Variants in CPPED1 observed in about 807,000 individuals in gnomAD.
CPPED1 encodes the protein calcineurin like phosphoesterase domain containing 1, also known as serine/threonine-protein phosphatase CPPED1.
CPPED1 carries 28 observed loss-of-function variants against 28.0 expected under a neutral mutation model. The observed-to-expected ratio is 1.00, with a 90% CI of 0.74 to 1.37. The LOEUF is 1.37. CPPED1 is among the 40% of genes most tolerant of loss of function. The pLI, the probability that CPPED1 is intolerant of heterozygous loss-of-function variation, is 0.00. For synonymous variants in CPPED1, 198 were observed against 180.2 expected (o/e 1.10, Z -0.79); for missense variants, 504 against 416.5 (o/e 1.21, Z -1.83).
rs1366405376 is a variant in CPPED1, at chr16:12,764,570, C to T, written c.289+16615G>A. ...GCCCAGGCTGGTCTCAAACTCCTGA[C>T]CTAAGTGATCCTTCTGCCTCAGCCT... On this transcript the variant is annotated intron_variant, in intron 2 of 3. Coordinates refer to ENST00000381774, the MANE Select transcript of CPPED1 (RefSeq NM_018340.3). Among the ~76,000 whole-genome samples, 3 of 152,070 alleles carry T rather than the reference C, an allele frequency of 2.0e-5. No homozygotes were observed. In the East Asian group the frequency reaches 5.8e-4, roughly 29 times the overall value.
intron 3 of CPPED1, among the ~76,000 whole-genome samples, chr16:12,698,514 C>G (rs898244580): frequency 1.3e-5 from 2 of 152,188 alleles, no homozygotes; most frequent in African/African-American, 4.8e-5. Context: ...TCACCGCAAC[C>G]TCCGCCTCCA....
chr16:12,769,394 G>C (rs747005000), intron 2 of CPPED1, among the ~76,000 whole-genome samples: 2 of 152,064 alleles, frequency 1.3e-5, no homozygotes, highest in Non-Finnish European at 1.5e-5. Flanking sequence ...CTTGATGAAG[G>C]AATCCGAGGC....
intron 3 of CPPED1, among the ~76,000 whole-genome samples, chr16:12,689,829 G>T (rs761887835): frequency 6.6e-6 from 1 of 152,140 alleles, no homozygotes; most frequent in Non-Finnish European, 1.5e-5. Flanking sequence ...AGAACCCACA[G>T]TGATGCTCCT....
chr16:12,720,572 C>T (rs559197654), intron 2 of CPPED1, among the ~76,000 whole-genome samples: 3 of 152,340 alleles, frequency 2.0e-5, no homozygotes, highest in Non-Finnish European at 4.4e-5. Flanking sequence ...ACTGAAACCT[C>T]TGCCTCCTGG....
intron 1 of CPPED1, among the ~76,000 whole-genome samples, chr16:12,802,998 A>C (rs1382114348): frequency 2.0e-5 from 3 of 152,220 alleles, no homozygotes; most frequent in Admixed American, 2.0e-4. Flanking sequence ...GAATCAACAA[A>C]CCAGAAACAA....
chr16:12,713,326 A>C (rs1024892602), intron 2 of CPPED1, among the ~76,000 whole-genome samples: 4 of 152,166 alleles, frequency 2.6e-5, no homozygotes, highest in African/African-American at 9.7e-5. Flanking sequence ...TCAAAGGAGA[A>C]GGTGGTTGTC....
chr16:12,784,727 G>C (rs923394558), intron 1 of CPPED1, among the ~76,000 whole-genome samples: 1 of 152,158 alleles, frequency 6.6e-6, no homozygotes, highest in Non-Finnish European at 1.5e-5. Flanking sequence ...AGATAAGGGA[G>C]GTGAACACAG....
At chr16:12,800,596 C>G (rs115973527) in intron 1 of CPPED1, among the ~76,000 whole-genome samples, 40 of 152,280 alleles carry the variant, frequency 2.6e-4, no homozygotes, top group African/African-American at 9.1e-4. Flanking sequence ...AAATAAAAAT[C>G]TGATCATACA....
intron 2 of CPPED1, among the ~76,000 whole-genome samples, chr16:12,723,997 G>A (rs1195401610): frequency 5.3e-5 from 8 of 152,112 alleles, no homozygotes; most frequent in African/African-American, 1.7e-4. Context: ...CTTCCCAAAC[G>A]TCTCTCAAGC....
In CPPED1 at chr16:12,709,199, G is replaced by A. The variant is rs1366280725; in HGVS notation, c.290-4150C>T. On this transcript the variant is annotated intron_variant, in intron 2 of 3. Coordinates refer to ENST00000381774, the MANE Select transcript of CPPED1 (RefSeq NM_018340.3). The surrounding 1 kb of genome is among the most constrained non-coding windows in gnomAD (Gnocchi z 4.4). ...AGCTTCAATGAGTTTCCTGTCTCAC[G>A]CAGGGTTCTATGTTCACAAAAAGAA... 6.6e-6 allele frequency among the ~76,000 whole-genome samples: 1 copy of A among 152,092 alleles called. No homozygotes were observed. Among genetic ancestry groups the A allele is most frequent in the African/African-American group, 2.4e-5 (1 of 41,390 alleles).
chr16:12,703,884 T>G (rs144656454), intron 3 of CPPED1, among the ~76,000 whole-genome samples: 1 of 152,008 alleles, frequency 6.6e-6, no homozygotes, highest in Non-Finnish European at 1.5e-5. Flanking sequence ...TGCCTTAGAG[T>G]GCCATCAGAA....
chr16:12,728,245 G>T (rs2080179511), intron 2 of CPPED1, among the ~76,000 whole-genome samples: 1 of 152,164 alleles, frequency 6.6e-6, no homozygotes, highest in Non-Finnish European at 1.5e-5. Flanking sequence ...AGAGAGGGGA[G>T]AAATGTATTA....
chr16:12,698,450 G>A (rs938877499), intron 3 of CPPED1, among the ~76,000 whole-genome samples: 1 of 151,944 alleles, frequency 6.6e-6, no homozygotes, highest in Non-Finnish European at 1.5e-5. Flanking sequence ...ATTTATTTTT[G>A]AGACACAGTC....
At chr16:12,734,441 G>T (rs1005768177) in intron 2 of CPPED1, among the ~76,000 whole-genome samples, 14 of 151,738 alleles carry the variant, frequency 9.2e-5, no homozygotes, top group African/African-American at 3.2e-4. Flanking sequence ...GTGCAGTGGT[G>T]CTATCTCAGC....
At chr16:12,783,073 G>T (rs1363461249) in intron 1 of CPPED1, among the ~76,000 whole-genome samples, 1 of 152,132 alleles carries the variant, frequency 6.6e-6, no homozygotes, top group African/African-American at 2.4e-5. Flanking sequence ...CAATATGAGG[G>T]TGACCAAGAC....
At chr16:12,733,987 C>T (rs977597090) in intron 2 of CPPED1, among the ~76,000 whole-genome samples, 2 of 145,932 alleles carry the variant, frequency 1.4e-5, no homozygotes, top group Non-Finnish European at 3.0e-5. Context: ...AAGCATTACA[C>T]AATTAATTGC....
chr16:12,725,716 C>A (rs948962575), intron 2 of CPPED1, among the ~76,000 whole-genome samples: 2 of 152,150 alleles, frequency 1.3e-5, no homozygotes, highest in Admixed American at 1.3e-4. Context: ...TCTCAGTGAC[C>A]ACTAGCTGTA....
intron 2 of CPPED1, among the ~76,000 whole-genome samples, chr16:12,779,819 G>C (rs1451404592): frequency 6.6e-6 from 1 of 152,106 alleles, no homozygotes; most frequent in East Asian, 1.9e-4. Context: ...ACAGAACTCA[G>C]AGCCTCGGTT....
At chr16:12,788,942 G>A (rs1317295305) in intron 1 of CPPED1, among the ~76,000 whole-genome samples, 1 of 152,234 alleles carries the variant, frequency 6.6e-6, no homozygotes. Context: ...TCTGTCTCCT[G>A]TGAGTGCTCA....
Sources: allele counts gnomAD v4.1 joint callset (sites outside exome capture counted in the v4.1 genomes callset), GRCh38; gene constraint gnomAD v4.1.1; non-coding constraint Gnocchi (gnomAD v3.1); transcripts MANE v1.5; gene names NCBI Gene and HGNC (gene_info 2026-07-23, HGNC 2026-07-21).